The following NEK11 variants were observed in gnomAD, a reference collection of about 807,000 sequenced individuals.
NEK11 encodes NIMA related kinase 11.
NEK11 carries 72 observed loss-of-function variants against 80.7 expected under a neutral mutation model. The ratio of observed to expected loss-of-function variants is 0.89; its 90% CI spans 0.74 to 1.08. NEK11 has a LOEUF of 1.08. NEK11 is among the 50% of genes least tolerant of loss of function. The pLI, the probability that NEK11 is intolerant of heterozygous loss-of-function variation, is 0.00. For missense variants in NEK11, 764 were observed against 763.6 expected (o/e 1.00, Z -0.01); for synonymous variants, 251 against 260.7 (o/e 0.96, Z 0.36).
chr3:131,040,572 C>G (rs1275625951), intron 3 of NEK11, among the ~76,000 whole-genome samples: 2 of 152,156 alleles, frequency 1.3e-5, no homozygotes, highest in Non-Finnish European at 2.9e-5. Context: ...GCTGAATTTG[C>G]AGTTACTAAT....
At chr3:131,313,335 C>A (rs1427910368) in intron 17 of NEK11, among the ~76,000 whole-genome samples, 3 of 152,014 alleles carry the variant, frequency 2.0e-5, no homozygotes, top group Non-Finnish European at 2.9e-5. Context: ...GGTTACATAC[C>A]CAGTAATGGT....
At chr3:131,066,388 TC>T (rs2071954533) in intron 3 of NEK11, among the ~76,000 whole-genome samples, 1 of 152,184 alleles carries the variant, frequency 6.6e-6, no homozygotes, top group Non-Finnish European at 1.5e-5. Flanking sequence ...AGGGCACCTC[TC>T]CCTTTTTTTT....
At chr3:131,142,768 T>G (rs1361012557) in intron 7 of NEK11, among the ~76,000 whole-genome samples, 3 of 152,180 alleles carry the variant, frequency 2.0e-5, no homozygotes, top group Non-Finnish European at 4.4e-5. Context: ...GTGGTCTCCT[T>G]GTTCTCCTCA....
At chr3:131,201,393 G>T (rs1318186007) in intron 14 of NEK11, among the ~76,000 whole-genome samples, 1 of 151,936 alleles carries the variant, frequency 6.6e-6, no homozygotes, top group Non-Finnish European at 1.5e-5. Flanking sequence ...CTATATAGTA[G>T]TTTTGCAAGT....
At position 131,338,256 on chromosome 3, in the gene NEK11, C is replaced by T. The variant is rs1194845979; in HGVS notation, c.1719-11301C>T. On this transcript the variant is annotated intron_variant, in intron 17 of 17. Coordinates refer to ENST00000383366, the MANE Select transcript of NEK11 (RefSeq NM_024800.5). ...TTGGGATTACAGGCATGAGCCACGG[C>T]GCCCAGCTGGTTTTTTTTTTTTTTT... is the stretch of plus-strand genomic sequence containing the variant. 7.7e-5 allele frequency among the ~76,000 whole-genome samples: 11 copies of T among 143,050 alleles called. No individual in the cohort carries two copies. The East Asian group carries it at 8.3e-4, about 11-fold the overall frequency. 93.8% of individuals were successfully genotyped at this position (143,050 alleles called of 152,430 possible). A position where few individuals can be genotyped will look rare whatever the true frequency, so the allele number is the denominator to read the frequency against.
intron 15 of NEK11, among the ~76,000 whole-genome samples, chr3:131,242,249 T>C (rs2095530918): frequency 6.6e-6 from 1 of 152,150 alleles, no homozygotes; most frequent in East Asian, 1.9e-4. Context: ...CTAAGGCATG[T>C]TATTATAATG....
Position 131,349,779 on chromosome 3 carries a change from A to G in NEK11, c.*3A>G. 1 of 1,606,638 alleles carries G rather than the reference A, an allele frequency of 6.2e-7. No individual in the cohort carries two copies. The highest frequency in any genetic ancestry group is 8.5e-7 in the Non-Finnish European group (1 of 1,175,106). Reference sequence around the variant, plus strand: ...CTACTCTCCAGAACCATCTCTAGGCAACTATCAAAAAGAAGCAGAAGTTCA... The same window carrying G: ...CTACTCTCCAGAACCATCTCTAGGCGACTATCAAAAAGAAGCAGAAGTTCA... On this transcript the variant is annotated 3_prime_UTR_variant, in exon 18 of 18. Coordinates refer to ENST00000383366, the MANE Select transcript of NEK11 (RefSeq NM_024800.5).
intron 4 of NEK11, among the ~76,000 whole-genome samples, chr3:131,087,328 C>T (rs1206311043): frequency 7.0e-6 from 1 of 143,728 alleles, no homozygotes. Context: ...ACTGCAACCT[C>T]TGCCTCCCAG....
chr3:131,178,625 A>G (rs1428308651), intron 14 of NEK11, among the ~76,000 whole-genome samples: 2 of 152,206 alleles, frequency 1.3e-5, no homozygotes, highest in Non-Finnish European at 2.9e-5. Context: ...ACCTCCTATG[A>G]TAACAATGCC....
chr3:131,324,241 C>T (rs2096931427), intron 17 of NEK11, among the ~76,000 whole-genome samples: 1 of 152,036 alleles, frequency 6.6e-6, no homozygotes, highest in Non-Finnish European at 1.5e-5. Context: ...CTGGGCTCTG[C>T]CGGCCAGGAC....
At chr3:131,167,538 T>C (rs1036175184) in intron 12 of NEK11, among the ~76,000 whole-genome samples, 2 of 152,172 alleles carry the variant, frequency 1.3e-5, no homozygotes, top group Non-Finnish European at 2.9e-5. Context: ...GGAATTATTA[T>C]TGGTGTTATA....
chr3:131,208,789 G>A (rs2150487393), intron 14 of NEK11, among the ~76,000 whole-genome samples: 1 of 152,284 alleles, frequency 6.6e-6, no homozygotes, highest in South Asian at 2.1e-4. Flanking sequence ...GTATAAGAAT[G>A]CTTGTGATTT....
At chr3:131,237,176 C>CA (rs775966329) in intron 15 of NEK11, among the ~76,000 whole-genome samples, 1 of 151,760 alleles carries the variant, frequency 6.6e-6, no homozygotes, top group Non-Finnish European at 1.5e-5. Flanking sequence ...CTAATCTCTA[C>CA]AAAAAAATTT....
At chr3:131,053,484 C>A (rs2068790120) in intron 3 of NEK11, 1 of 152,196 alleles carries the variant, frequency 6.6e-6, no homozygotes, top group Admixed American at 6.5e-5. Flanking sequence ...TTTTTCTTGC[C>A]ATCCATGTAT....
chr3:131,099,460 G>C (rs1406116433), intron 4 of NEK11, among the ~76,000 whole-genome samples: 1 of 152,020 alleles, frequency 6.6e-6, no homozygotes, highest in Non-Finnish European at 1.5e-5. Context: ...GCTCTTTTTT[G>C]GTTCCATATG....
At chr3:131,233,520 T>C (rs1372850761) in intron 15 of NEK11, among the ~76,000 whole-genome samples, 2 of 152,174 alleles carry the variant, frequency 1.3e-5, no homozygotes, top group African/African-American at 4.8e-5. Context: ...TTTAACTGGC[T>C]GGAATTCAAA....
At chr3:131,158,414 C>A (rs1443522850) in intron 10 of NEK11, among the ~76,000 whole-genome samples, 2 of 152,174 alleles carry the variant, frequency 1.3e-5, no homozygotes, top group Non-Finnish European at 2.9e-5. Flanking sequence ...TCCCACCTCA[C>A]CTCCCCTGCC....
Position 131,349,636 on chromosome 3 carries a change from A to G in NEK11, c.1798A>G (p.Ser600Gly), listed in dbSNP as rs765510140. 9.9e-6 allele frequency: 16 copies of G among 1,614,200 alleles called. No homozygotes were observed. Among genetic ancestry groups the G allele is most frequent in the Non-Finnish European group, 1.4e-5 (16 of 1,180,026 alleles). The stretch of plus-strand genomic sequence containing the variant: ...CAAGAGAGCAAGGCATCAGAATGCT[A>G]GCGAAGCAGAGATCCGCGAGTGTTT... ...YLKRARHQNA[S>G]EAEIRECLEK... The change falls in exon 18 of 18, where the codon AGC becomes GGC. Residue 600 changes from serine (S) to glycine (G), a missense_variant. By Grantham distance (56) the Ser-to-Gly change is moderately conservative. Transcript: ENST00000383366.
At chr3:131,030,500 A>G (rs1407058254) in intron 3 of NEK11, among the ~76,000 whole-genome samples, 2 of 152,256 alleles carry the variant, frequency 1.3e-5, no homozygotes, top group Non-Finnish European at 2.9e-5. Flanking sequence ...TGAGAAAATA[A>G]GAATTGTTCA....
Sources: gnomAD v4.1 joint callset for allele counts (sites outside exome capture counted in the v4.1 genomes callset) on GRCh38, gnomAD v4.1.1 for gene constraint, MANE v1.5 for transcripts, NCBI Gene and HGNC (gene_info 2026-07-23, HGNC 2026-07-21) for gene names.